The following FLRT1 variants were observed in gnomAD, a reference collection of about 807,000 sequenced individuals.
FLRT1 encodes the protein leucine-rich repeat transmembrane protein FLRT1.
FLRT1 carries 14 observed loss-of-function variants against 30.9 expected under a neutral mutation model. The observed-to-expected ratio is 0.45, with a 90% CI of 0.30 to 0.71. FLRT1 has a LOEUF of 0.71. Among genes scored for constraint, FLRT1 ranks in the 30% least tolerant of loss-of-function variants. The probability of loss-of-function intolerance (pLI) is 0.08; values close to 1 mark genes in which losing one functional copy is unlikely to be tolerated. For missense variants in FLRT1, 737 were observed against 949.2 expected (o/e 0.78, Z 2.94); for synonymous variants, 368 against 430.4 (o/e 0.85, Z 1.80).
intron 2 of FLRT1, among the ~76,000 whole-genome samples, chr11:64,108,139 T>C (rs1000468045): frequency 6.6e-6 from 1 of 151,712 alleles, no homozygotes; most frequent in Admixed American, 6.6e-5. Flanking sequence ...CATGGAGAAA[T>C]CCCGTCTCTA....
intron 1 of FLRT1, among the ~76,000 whole-genome samples, chr11:64,043,361 G>T (rs995907092): frequency 6.6e-6 from 1 of 152,244 alleles, no homozygotes; most frequent in Non-Finnish European, 1.5e-5. Context: ...CTGGCAGGAA[G>T]GCTTGTGGGG....
intron 1 of FLRT1, among the ~76,000 whole-genome samples, chr11:64,041,281 G>A (rs1442360222): frequency 3.3e-5 from 5 of 149,778 alleles, no homozygotes; most frequent in African/African-American, 1.2e-4. Context: ...CCTTCCGTGA[G>A]GAGCCGGCAT....
At chr11:64,089,488 C>A (rs182719272) in intron 1 of FLRT1, among the ~76,000 whole-genome samples, 312 of 152,342 alleles carry the variant, frequency 2.0e-3, no homozygotes, top group African/African-American at 6.9e-3. Flanking sequence ...GTCCAGCCCC[C>A]TCCCCTGACT....
At chr11:64,108,743 AG>A (rs1288150870) in intron 2 of FLRT1, among the ~76,000 whole-genome samples, 1 of 152,186 alleles carries the variant, frequency 6.6e-6, no homozygotes, top group Non-Finnish European at 1.5e-5. Context: ...AGGCATGGCA[AG>A]GTTTAGGGGA....
intron 1 of FLRT1, among the ~76,000 whole-genome samples, chr11:64,101,049 C>G (rs1201777784): frequency 1.3e-5 from 2 of 152,076 alleles, no homozygotes; most frequent in Non-Finnish European, 1.5e-5. Context: ...CAGGTCCTCC[C>G]TTGAAGCCAG....
At chr11:64,076,668 T>C (rs1209622645) in intron 1 of FLRT1, among the ~76,000 whole-genome samples, 1 of 152,192 alleles carries the variant, frequency 6.6e-6, no homozygotes, top group Admixed American at 6.5e-5. Context: ...CGAAATCGCC[T>C]AAGAACACAC....
intron 2 of FLRT1, among the ~76,000 whole-genome samples, chr11:64,106,019 C>T (rs1193034363): frequency 6.6e-6 from 1 of 152,160 alleles, no homozygotes; most frequent in Non-Finnish European, 1.5e-5. Context: ...GTGAGGATCA[C>T]CTCTGATAGT....
chr11:64,042,346 C>T (rs145345311), intron 1 of FLRT1, among the ~76,000 whole-genome samples: 5,032 of 152,266 alleles, frequency 0.033, 119 homozygotes, highest in Non-Finnish European at 0.049. Context: ...CCCGTGCAGT[C>T]CCCTGCCCTT....
At position 64,036,941 on chromosome 11, in the gene FLRT1, T is replaced by C. The variant is rs890141276; in HGVS notation, c.-1038+782T>C. On this transcript the variant is annotated intron_variant, in intron 1 of 2. Coordinates refer to ENST00000682287, the MANE Select transcript of FLRT1 (RefSeq NM_013280.5). The surrounding 1 kb of genome is among the most constrained non-coding windows in gnomAD (Gnocchi z 5.6). ...GTCGCCCAGCTGCAGGGAACCGTGG[T>C]TGATCAGAGCTCCCCGAGGAGGAGA... Among the ~76,000 whole-genome samples the C allele has an allele frequency of 5.9e-5, 9 of 152,216 alleles. No individual in the cohort carries two copies. Among genetic ancestry groups the C allele is most frequent in the African/African-American group, 2.2e-4 (9 of 41,556 alleles).
chr11:64,038,868 G>A (rs1377782699), intron 1 of FLRT1, among the ~76,000 whole-genome samples: 1 of 152,166 alleles, frequency 6.6e-6, no homozygotes, highest in Non-Finnish European at 1.5e-5. Flanking sequence ...GCTAACCTTC[G>A]GCAAGTGACC....
At chr11:64,081,711 G>C (rs1003028899) in intron 1 of FLRT1, 3 of 152,168 alleles carry the variant, frequency 2.0e-5, no homozygotes, top group Non-Finnish European at 4.4e-5. Flanking sequence ...TGTGGCTGAA[G>C]CCTGTTCCTG....
chr11:64,055,075 A>G lies in FLRT1; in HGVS notation c.-1038+18916A>G, dbSNP rs1027772349. 4.6e-5 allele frequency among the ~76,000 whole-genome samples: 7 copies of G among 151,924 alleles called. No homozygotes were observed. The South Asian group carries it at 1.5e-3, about 32-fold the overall frequency. On this transcript the variant is annotated intron_variant, in intron 1 of 2. Transcript: ENST00000682287. ...CCAGGAAGCCTTCCTAGATCCCCCCAGCCTGGTCCAGAAGGTGACCCTCAT... is the reference window on the plus strand; with the variant it reads ...CCAGGAAGCCTTCCTAGATCCCCCCGGCCTGGTCCAGAAGGTGACCCTCAT...
intron 1 of FLRT1, among the ~76,000 whole-genome samples, chr11:64,039,079 C>T (rs1943435842): frequency 6.6e-6 from 1 of 152,174 alleles, no homozygotes; most frequent in South Asian, 2.1e-4. Context: ...ACTGAGGTGG[C>T]CCTCATCCCC....
chr11:64,083,894 C>T (rs1334339423), intron 1 of FLRT1, among the ~76,000 whole-genome samples: 2 of 152,220 alleles, frequency 1.3e-5, no homozygotes, highest in Non-Finnish European at 2.9e-5. Flanking sequence ...GAGCAGCGTG[C>T]AGGCGGGCGT....
At chr11:64,109,876 A>C (rs1944828927) in intron 2 of FLRT1, among the ~76,000 whole-genome samples, 1 of 152,160 alleles carries the variant, frequency 6.6e-6, no homozygotes, top group Non-Finnish European at 1.5e-5. Context: ...CGGAAGGCAC[A>C]GCAGGAGCAG....
Position 64,117,780 on chromosome 11 carries a change from A to G in FLRT1, c.1513A>G (p.Ile505Val), listed in dbSNP as rs147268385. 6.2e-7 allele frequency: 1 copy of G among 1,614,006 alleles called. No homozygotes were observed. Among genetic ancestry groups the G allele is most frequent in the African/African-American group, 1.3e-5 (1 of 74,944 alleles). The change falls in exon 3 of 3, where the codon ATC (isoleucine) becomes GTC (valine). Residue 505 changes from isoleucine (I) to valine (V), a missense_variant. Coordinates refer to ENST00000682287, the MANE Select transcript of FLRT1 (RefSeq NM_013280.5). ...TALEPKSTYI[I>V]CMVTMETSNA... is the part of the protein sequence containing the mutation. ...CCTGGAGCCCAAGTCCACCTACATC[A>G]TCTGCATGGTCACCATGGAGACCAG...
intron 1 of FLRT1, among the ~76,000 whole-genome samples, chr11:64,056,617 C>A (rs1943791277): frequency 6.6e-6 from 1 of 152,192 alleles, no homozygotes; most frequent in African/African-American, 2.4e-5. Context: ...ATGGCAGCAG[C>A]CAGGGCTGGT....
At position 64,117,170 on chromosome 11, in the gene FLRT1, G is replaced by A. The variant is rs1359907063; in HGVS notation, c.903G>A (p.Leu301=). ...TGCGTGAGCTGGAGCGGCTGGACCTGTCCAACAACAACCTGACCACGCTGC... is the reference window on the plus strand; with the variant it reads ...TGCGTGAGCTGGAGCGGCTGGACCTATCCAACAACAACCTGACCACGCTGC... ...AKMRELERLD[L]SNNNLTTLPR... is the part of the protein sequence containing the mutation. Residue 301 remains leucine, a synonymous_variant, in exon 3 of 3, where the codon CTG becomes CTA. Coordinates refer to ENST00000682287, the MANE Select transcript of FLRT1 (RefSeq NM_013280.5). 3.3e-5 allele frequency: 54 copies of A among 1,613,906 alleles called. No individual in the cohort carries two copies. Among genetic ancestry groups the A allele is most frequent in the Non-Finnish European group, 4.5e-5 (53 of 1,180,020 alleles).
At chr11:64,052,046 G>C (rs902637396) in intron 1 of FLRT1, among the ~76,000 whole-genome samples, 1 of 151,542 alleles carries the variant, frequency 6.6e-6, no homozygotes, top group Admixed American at 6.6e-5. Context: ...ATCTAGGGGG[G>C]CATTTTGGGA....
Sources: allele counts gnomAD v4.1 joint callset (sites outside exome capture counted in the v4.1 genomes callset), GRCh38; gene constraint gnomAD v4.1.1; non-coding constraint Gnocchi (gnomAD v3.1); transcripts MANE v1.5; gene names NCBI Gene and HGNC (gene_info 2026-07-23, HGNC 2026-07-21).